Variants in NRG3 observed in about 807,000 individuals in gnomAD.
NRG3 encodes the protein neuregulin 3, also known as pro-neuregulin-3, membrane-bound isoform.
Under a neutral mutation model 66.9 loss-of-function variants are expected in NRG3, and 31 were observed. The observed-to-expected ratio is 0.46, with a 90% confidence interval of 0.35 to 0.63. The LOEUF is 0.63. Among genes scored for constraint, NRG3 ranks in the 20% least tolerant of loss-of-function variants. The pLI is 0.00. For synonymous variants in NRG3, 393 were observed against 359.4 expected (o/e 1.09, Z -1.06); for missense variants, 910 against 878.9 (o/e 1.04, Z -0.45).
At chr10:82,057,451 C>G (rs943750171) in intron 1 of NRG3, among the ~76,000 whole-genome samples, 2 of 152,050 alleles carry the variant, frequency 1.3e-5, no homozygotes, top group Non-Finnish European at 2.9e-5. Context: ...TACATGGCAG[C>G]TTATTTCCTC....
At chr10:82,445,864 A>C (rs1280513886) in intron 2 of NRG3, among the ~76,000 whole-genome samples, 1 of 152,240 alleles carries the variant, frequency 6.6e-6, no homozygotes, top group East Asian at 1.9e-4. Flanking sequence ...GCTTCTACTG[A>C]GTGCAGAACC....
intron 2 of NRG3, among the ~76,000 whole-genome samples, chr10:82,587,580 A>AGT (rs1400013958): frequency 6.6e-6 from 1 of 152,194 alleles, no homozygotes; most frequent in Non-Finnish European, 1.5e-5. Flanking sequence ...CTGTGGAACA[A>AGT]CCAAGAGGTA....
At chr10:81,880,508 G>A (rs1360917112) in intron 1 of NRG3, among the ~76,000 whole-genome samples, 1 of 152,196 alleles carries the variant, frequency 6.6e-6, no homozygotes, top group Admixed American at 6.5e-5. Flanking sequence ...TTTGAAATCA[G>A]TGCCTTCCTG....
At chr10:82,329,989 T>C (rs1462043423) in intron 1 of NRG3, among the ~76,000 whole-genome samples, 1 of 152,158 alleles carries the variant, frequency 6.6e-6, no homozygotes, top group Non-Finnish European at 1.5e-5. Flanking sequence ...AATTTCTTAG[T>C]GTGCATTGAT....
intron 1 of NRG3, among the ~76,000 whole-genome samples, chr10:82,104,767 CTG>C (rs553966971): frequency 1.0e-3 from 159 of 152,262 alleles, no homozygotes; most frequent in African/African-American, 3.2e-3. Flanking sequence ...ATATACCTGT[CTG>C]TATTTAAATT....
chr10:82,459,401 G>GCC (rs2091415034), intron 2 of NRG3, among the ~76,000 whole-genome samples: 2 of 152,144 alleles, frequency 1.3e-5, no homozygotes, highest in Admixed American at 1.3e-4. Flanking sequence ...GTAAGCAAGT[G>GCC]CAAGTATATG....
Position 82,211,421 on chromosome 10 carries a change from TTCC to T in NRG3, c.824-147312_824-147310del, listed in dbSNP as rs570388558. Among the ~76,000 whole-genome samples the T allele has an allele frequency of 5.1e-4, 78 of 152,272 alleles. 1 individual carries two copies. The East Asian group carries it at 0.014, about 28-fold the overall frequency. On this transcript the variant is annotated intron_variant, in intron 1 of 8. Transcript: ENST00000372141. The stretch of plus-strand genomic sequence containing the variant: ...GAATGAAGATGGTTGAGGTGTTGTC[TTCC>T]TCCTCTTCTTTCATTTTGTTTGTTT...
chr10:82,977,050 A>G (rs1330664371), intron 7 of NRG3, among the ~76,000 whole-genome samples: 3 of 152,108 alleles, frequency 2.0e-5, no homozygotes, highest in African/African-American at 7.2e-5. Flanking sequence ...ATGTCTCTCC[A>G]GGACTCTGAC....
chr10:82,726,783 G>A (rs1470839823), intron 2 of NRG3, among the ~76,000 whole-genome samples: 1 of 151,944 alleles, frequency 6.6e-6, no homozygotes, highest in African/African-American at 2.4e-5. Flanking sequence ...AGTTTGGAGG[G>A]CTCAGAACTA....
intron 2 of NRG3, among the ~76,000 whole-genome samples, chr10:82,359,569 T>C (rs1463968628): frequency 6.6e-6 from 1 of 152,196 alleles, no homozygotes; most frequent in Non-Finnish European, 1.5e-5. Flanking sequence ...AGTGCACTTA[T>C]AGACACTGTG....
rs531763490 is a variant in NRG3, at chr10:82,984,002, T to C, written c.1584-1096T>C. Among the ~76,000 whole-genome samples the C allele has an allele frequency of 3.3e-5, 5 of 152,386 alleles. No homozygotes were observed. In the South Asian group the frequency reaches 1.0e-3, roughly 32 times the overall value. ...GTGCAACACACTGCATTGCAATTAT[T>C]ATCTACATGTATAAACATGATTTTC... On this transcript the variant is annotated intron_variant, in intron 8 of 8. Transcript: ENST00000372141.
chr10:82,840,424 A>T (rs1056406718), intron 3 of NRG3, among the ~76,000 whole-genome samples: 11 of 152,030 alleles, frequency 7.2e-5, no homozygotes, highest in Admixed American at 2.0e-4. Context: ...ATTTTTTTTT[A>T]AAGTGTACTT....
chr10:82,715,102 G>A (rs2056895449), intron 2 of NRG3, among the ~76,000 whole-genome samples: 1 of 152,066 alleles, frequency 6.6e-6, no homozygotes, highest in Non-Finnish European at 1.5e-5. Context: ...AGAGTTTAAA[G>A]TCTTGGGTGT....
At chr10:81,950,162 T>C (rs1045331437) in intron 1 of NRG3, among the ~76,000 whole-genome samples, 1 of 152,222 alleles carries the variant, frequency 6.6e-6, no homozygotes, top group Non-Finnish European at 1.5e-5. Context: ...CCACCCTTTT[T>C]ATTCAATGAG....
At chr10:82,317,024 T>G (rs1382488631) in intron 1 of NRG3, among the ~76,000 whole-genome samples, 1 of 152,180 alleles carries the variant, frequency 6.6e-6, no homozygotes, top group Admixed American at 6.5e-5. Context: ...CAGCTGGTTG[T>G]GACCTGTCAT....
At chr10:81,917,108 T>A (rs1845786090) in intron 1 of NRG3, among the ~76,000 whole-genome samples, 1 of 152,186 alleles carries the variant, frequency 6.6e-6, no homozygotes, top group Admixed American at 6.6e-5. Context: ...GATTAAAACA[T>A]GTATCTGTAT....
chr10:82,030,326 A>G (rs17727747), intron 1 of NRG3, among the ~76,000 whole-genome samples: 58,133 of 152,020 alleles, frequency 0.38, 12,684 homozygotes, highest in South Asian at 0.55. Context: ...GATAATGTTA[A>G]TAACCATGAT....
chr10:82,048,439 A>T lies in NRG3; in HGVS notation c.823+172276A>T, dbSNP rs944195762. Among the ~76,000 whole-genome samples, 10 of 152,266 alleles carry T rather than the reference A, an allele frequency of 6.6e-5. No homozygotes were observed. The East Asian group carries it at 1.9e-3, about 29-fold the overall frequency. ...GCAATCAAACTAGAACTCAGGATTA[A>T]GAGACTCACTCAAAACCGCACAACT... On this transcript the variant is annotated intron_variant, in intron 1 of 8. Transcript: ENST00000372141.
intron 6 of NRG3, among the ~76,000 whole-genome samples, chr10:82,962,082 A>G (rs551796550): frequency 6.6e-6 from 1 of 152,308 alleles, no homozygotes; most frequent in East Asian, 1.9e-4. Flanking sequence ...AAGATGCAAA[A>G]CACCTCGTCA....
Sources: allele counts gnomAD v4.1 joint callset (sites outside exome capture counted in the v4.1 genomes callset), GRCh38; gene constraint gnomAD v4.1.1; transcripts MANE v1.5; gene names NCBI Gene and HGNC (gene_info 2026-07-23, HGNC 2026-07-21).